Variants in ADAMTSL1 observed in about 807,000 individuals in gnomAD.
ADAMTSL1 encodes the protein ADAMTS-like protein 1.
Under a neutral mutation model 201.8 loss-of-function variants are expected in ADAMTSL1, and 126 were observed. The observed-to-expected ratio is 0.62, with a 90% CI of 0.54 to 0.72. The LOEUF is 0.72. Among genes scored for constraint, ADAMTSL1 ranks in the 30% least tolerant of loss-of-function variants. The pLI is 0.00. For missense variants in ADAMTSL1, 2,679 were observed against 2,277.8 expected (o/e 1.18, Z -3.59); for synonymous variants, 1,121 against 903.4 (o/e 1.24, Z -4.32).
chr9:18,566,856 G>T (rs1821932026), intron 3 of ADAMTSL1, among the ~76,000 whole-genome samples: 1 of 152,222 alleles, frequency 6.6e-6, no homozygotes, highest in South Asian at 2.1e-4. Context: ...ACTATTGCAA[G>T]AACGCAGGCA....
intron 14 of ADAMTSL1, among the ~76,000 whole-genome samples, chr9:18,717,063 C>T (rs1832991124): frequency 7.0e-6 from 1 of 142,634 alleles, no homozygotes; most frequent in African/African-American, 2.6e-5. Flanking sequence ...AGGAAGGGAA[C>T]ATCACACTCT....
intron 2 of ADAMTSL1, among the ~76,000 whole-genome samples, chr9:18,428,365 A>G (rs1468815426): frequency 6.7e-6 from 1 of 148,684 alleles, no homozygotes; most frequent in Non-Finnish European, 1.5e-5. Flanking sequence ...TGTGAGTCCA[A>G]GGTGGGAGGA....
intron 2 of ADAMTSL1, among the ~76,000 whole-genome samples, chr9:18,289,149 C>CTATA (rs1833146293): frequency 9.4e-6 from 1 of 106,636 alleles, no homozygotes; most frequent in African/African-American, 3.8e-5. Flanking sequence ...ATCTATCTAT[C>CTATA]TATCTATCTA....
intron 2 of ADAMTSL1, among the ~76,000 whole-genome samples, chr9:18,282,991 T>G (rs751579893): frequency 6.6e-6 from 1 of 152,252 alleles, no homozygotes. Context: ...TTTTAAATCT[T>G]CTGTACCTTT....
intron 19 of ADAMTSL1, among the ~76,000 whole-genome samples, chr9:18,781,041 C>T (rs1554633892): frequency 6.6e-6 from 1 of 152,142 alleles, no homozygotes; most frequent in Non-Finnish European, 1.5e-5. Flanking sequence ...CTTGAAATAG[C>T]ACTTAGGAAA....
chr9:18,472,747 A>G (rs1821266839), upstream of ADAMTSL1, among the ~76,000 whole-genome samples: 1 of 152,170 alleles, frequency 6.6e-6, no homozygotes, highest in Non-Finnish European at 1.5e-5. Context: ...AAAGAACATT[A>G]ATTCTAAATG....
At chr9:18,430,867 G>A (rs1819457135) in intron 2 of ADAMTSL1, among the ~76,000 whole-genome samples, 1 of 152,206 alleles carries the variant, frequency 6.6e-6, no homozygotes, top group Admixed American at 6.5e-5. Context: ...TAATTGGGCA[G>A]GAAGTGGGTT....
chr9:18,715,239 G>A (rs1832852883), intron 14 of ADAMTSL1, among the ~76,000 whole-genome samples: 1 of 150,160 alleles, frequency 6.7e-6, no homozygotes, highest in African/African-American at 2.4e-5. Flanking sequence ...TCTGGCCAGG[G>A]CAATTAGGCA....
At chr9:18,059,683 C>G (rs1289385406) in intron 1 of ADAMTSL1, among the ~76,000 whole-genome samples, 4 of 152,156 alleles carry the variant, frequency 2.6e-5, no homozygotes, top group Admixed American at 6.6e-5. Flanking sequence ...TGAATGATTG[C>G]TCTTGACCTT....
chr9:18,390,313 G>T (rs540224276), intron 2 of ADAMTSL1, among the ~76,000 whole-genome samples: 1 of 152,146 alleles, frequency 6.6e-6, no homozygotes. Flanking sequence ...ACACTGACAC[G>T]TAGGGCATGC....
chr9:18,869,344 C>A (rs1438428374), intron 23 of ADAMTSL1, among the ~76,000 whole-genome samples: 1 of 152,216 alleles, frequency 6.6e-6, no homozygotes, highest in African/African-American at 2.4e-5. Context: ...ACTAATACAC[C>A]CTTCCATGCT....
intron 2 of ADAMTSL1, among the ~76,000 whole-genome samples, chr9:18,220,548 T>C (rs1221651862): frequency 2.0e-5 from 3 of 152,196 alleles, no homozygotes; most frequent in Non-Finnish European, 4.4e-5. Context: ...CACTCTTGTT[T>C]TAAAATCAAA....
At chr9:18,638,958 G>T (rs773130171) in intron 6 of ADAMTSL1, among the ~76,000 whole-genome samples, 1 of 152,070 alleles carries the variant, frequency 6.6e-6, no homozygotes, top group Non-Finnish European at 1.5e-5. Flanking sequence ...AAAGGAATAG[G>T]GTTGCAGTAA....
chr9:18,115,035 G>T (rs957204592), intron 1 of ADAMTSL1, among the ~76,000 whole-genome samples: 1 of 152,008 alleles, frequency 6.6e-6, no homozygotes, highest in African/African-American at 2.4e-5. Flanking sequence ...TGCCTGGAAG[G>T]GATTCTACTT....
intron 15 of ADAMTSL1, among the ~76,000 whole-genome samples, chr9:18,744,760 G>A (rs982396645): frequency 8.5e-5 from 13 of 152,144 alleles, no homozygotes; most frequent in Admixed American, 4.6e-4. Flanking sequence ...CAAACAATCC[G>A]ATCTTAGAGC....
chr9:17,912,484 C>T (rs1825925059), intron 1 of ADAMTSL1, among the ~76,000 whole-genome samples: 1 of 56,198 alleles, frequency 1.8e-5, no homozygotes, highest in African/African-American at 3.4e-5. Flanking sequence ...TAAATGTCTT[C>T]TTTTGAGAAG....
intron 13 of ADAMTSL1, among the ~76,000 whole-genome samples, chr9:18,702,517 A>T (rs1325370111): frequency 6.6e-6 from 1 of 152,192 alleles, no homozygotes; most frequent in Non-Finnish European, 1.5e-5. Flanking sequence ...GACTATGGTA[A>T]TTACTCTAAT....
At chr9:18,709,253 T>C (rs1231675979) in intron 14 of ADAMTSL1, among the ~76,000 whole-genome samples, 2 of 152,208 alleles carry the variant, frequency 1.3e-5, no homozygotes, top group Non-Finnish European at 2.9e-5. Flanking sequence ...TTTTGGTATA[T>C]AGGACGTGTA....
chr9:18,043,403 C>G (rs1049273923), intron 1 of ADAMTSL1, among the ~76,000 whole-genome samples: 9 of 152,070 alleles, frequency 5.9e-5, no homozygotes, highest in African/African-American at 2.2e-4. Context: ...TATTTAGAAC[C>G]AGAGGCAGCT....
Sources: allele counts gnomAD v4.1 joint callset (sites outside exome capture counted in the v4.1 genomes callset), GRCh38; gene constraint gnomAD v4.1.1; transcripts MANE v1.5; gene names NCBI Gene and HGNC (gene_info 2026-07-23, HGNC 2026-07-21).